The following HMGN4 variants were observed in gnomAD, a reference collection of about 807,000 sequenced individuals.
HMGN4 encodes the protein high mobility group nucleosome-binding domain-containing protein 4.
For missense variants in HMGN4, 69 were observed against 104.9 expected (o/e 0.66, Z 1.49); for synonymous variants, 39 against 39.1 (o/e 1.00, Z 0.01).
At chr6:26,544,313 A>G (rs1764323912) in intron 1 of HMGN4, among the ~76,000 whole-genome samples, 3 of 152,116 alleles carry the variant, frequency 2.0e-5, no homozygotes, top group African/African-American at 2.4e-5. Context: ...TACATGTGTA[A>G]ATGGATCTAT....
intron 1 of HMGN4, among the ~76,000 whole-genome samples, chr6:26,543,452 C>T (rs1426950053): frequency 2.6e-5 from 1 of 38,644 alleles, no homozygotes; most frequent in African/African-American, 1.6e-4. Context: ...AGCAGAGTCT[C>T]ACTCTGTCCC....
intron 1 of HMGN4, among the ~76,000 whole-genome samples, chr6:26,538,760 A>G (rs1420949690): frequency 6.6e-6 from 1 of 152,184 alleles, no homozygotes; most frequent in Non-Finnish European, 1.5e-5. Context: ...GACCGGGATG[A>G]GAAGTCCTAA....
At position 26,539,652 on chromosome 6, in the gene HMGN4, AAG is replaced by A. The variant is rs796305513; in HGVS notation, c.-81+1153_-81+1154del. Reference sequence around the variant, plus strand: ...GCAAAATTAAAAAAAAAAAAAAAAAAAGAAAAGAAAAGAAAGAAAAGGACAAT... The same window carrying A: ...GCAAAATTAAAAAAAAAAAAAAAAAAAAAAGAAAAGAAAGAAAAGGACAAT... On this transcript the variant is annotated intron_variant, in intron 1 of 1. Coordinates refer to ENST00000377575, the MANE Select transcript of HMGN4 (RefSeq NM_006353.3). 8.1e-3 allele frequency among the ~76,000 whole-genome samples: 1,141 copies of A among 140,130 alleles called. 11 individuals carry two copies. Among genetic ancestry groups the A allele is most frequent in the East Asian group, 0.023 (108 of 4,792 alleles). The allele number at this position is 140,130 out of a possible 152,430, so 91.9% of individuals were successfully genotyped here.
chr6:26,539,565 C>T (rs1764262052), intron 1 of HMGN4, among the ~76,000 whole-genome samples: 1 of 150,906 alleles, frequency 6.6e-6, no homozygotes, highest in Admixed American at 6.6e-5. Context: ...GCCACCGCGC[C>T]CAACCGAATG....
intron 1 of HMGN4, among the ~76,000 whole-genome samples, chr6:26,539,656 AAAG>A (rs895830049): frequency 6.8e-6 from 1 of 147,346 alleles, no homozygotes; most frequent in Non-Finnish European, 1.5e-5. Flanking sequence ...AAAAAAAAGA[AAAG>A]AAAAGAAAGA....
chr6:26,545,285 C>T lies in HMGN4; in HGVS notation c.79C>T (p.Arg27Trp), dbSNP rs1764335042. 1.9e-6 allele frequency: 3 copies of T among 1,614,042 alleles called. No individual in the cohort carries two copies. The highest frequency in any genetic ancestry group is 2.5e-6 in the Non-Finnish European group (3 of 1,179,988). ...VKDEPQRRSA[R>W]LSAKPAPPKP... ...GGATGAGCCACAGAGGAGATCAGCT[C>T]GGTTGTCTGCTAAACCAGCTCCTCC... The change falls in exon 2 of 2, where the codon CGG (arginine) becomes TGG (tryptophan). Residue 27 changes from arginine to tryptophan, a missense_variant. Transcript: ENST00000377575.
chr6:26,540,554 G>C (rs546477454), intron 1 of HMGN4, among the ~76,000 whole-genome samples: 23 of 152,184 alleles, frequency 1.5e-4, no homozygotes, highest in Admixed American at 8.5e-4. Context: ...GGCTGGTCTT[G>C]AACTCCTGAC....
At chr6:26,538,559 G>GA (rs1263025216) in intron 1 of HMGN4, 58 bp downstream of exon 1, 2 of 152,440 alleles carry the variant, frequency 1.3e-5, no homozygotes, top group Non-Finnish European at 1.5e-5. Flanking sequence ...TGGTGGGGGG[G>GA]GTCCCGCCGC....
intron 1 of HMGN4, among the ~76,000 whole-genome samples, chr6:26,543,559 G>C (rs1482342409): frequency 7.0e-6 from 1 of 142,202 alleles, no homozygotes; most frequent in Admixed American, 7.6e-5. Context: ...TCAGGAGTTC[G>C]AGACTAGCCT....
intron 1 of HMGN4, among the ~76,000 whole-genome samples, chr6:26,544,848 A>G (rs1764329295): frequency 6.6e-6 from 1 of 152,200 alleles, no homozygotes; most frequent in Admixed American, 6.5e-5. Context: ...TCATGCTTCC[A>G]AGAAGTACCT....
chr6:26,543,398 GTA>G (rs1196741838), intron 1 of HMGN4, among the ~76,000 whole-genome samples: 1 of 142,342 alleles, frequency 7.0e-6, no homozygotes, highest in African/African-American at 2.7e-5. Flanking sequence ...CAGTAGAACT[GTA>G]TGTCTCAGTG....
Position 26,546,112 on chromosome 6 carries a change from C to T in HMGN4, c.*633C>T, listed in dbSNP as rs1043554986. Reference sequence around the variant, plus strand: ...TCTTTCTTGTTCAAAACAGCAACGACATATCTTGTTAACTTTTACGGTGAC... The same window carrying T: ...TCTTTCTTGTTCAAAACAGCAACGATATATCTTGTTAACTTTTACGGTGAC... On this transcript the variant is annotated 3_prime_UTR_variant, in exon 2 of 2. Coordinates refer to ENST00000377575, the MANE Select transcript of HMGN4 (RefSeq NM_006353.3). 3 of 167,072 alleles carry T rather than the reference C, an allele frequency of 1.8e-5. No individual in the cohort carries two copies. Among genetic ancestry groups the T allele is most frequent in the African/African-American group, 7.2e-5 (3 of 41,444 alleles). The allele number at this position is 167,072 out of a possible 1,614,324, so 10.3% of individuals were successfully genotyped here. A position where few individuals can be genotyped will look rare whatever the true frequency, so the allele number is the denominator to read the frequency against.
intron 1 of HMGN4, chr6:26,539,816 G>A (rs1764267179): frequency 6.6e-6 from 1 of 152,038 alleles, no homozygotes; most frequent in African/African-American, 2.4e-5. Flanking sequence ...TAATATCTTG[G>A]TTAGCAAGAC....
chr6:26,543,339 G>A (rs1385585555), intron 1 of HMGN4, among the ~76,000 whole-genome samples: 2 of 147,042 alleles, frequency 1.4e-5, no homozygotes, highest in African/African-American at 5.0e-5. Context: ...TTCATGTAAT[G>A]TCTAGGCAAG....
chr6:26,539,060 G>A (rs1764254551), intron 1 of HMGN4, among the ~76,000 whole-genome samples: 1 of 152,226 alleles, frequency 6.6e-6, no homozygotes, highest in Admixed American at 6.5e-5. Context: ...TTGGTGTTTG[G>A]CCTCTTACCT....
In HMGN4 at chr6:26,542,472, C is replaced by T. The variant is rs1164786933; in HGVS notation, c.-80-2655C>T. Among the ~76,000 whole-genome samples, 1 of 152,118 alleles carries T rather than the reference C, an allele frequency of 6.6e-6. No homozygotes were observed. Among genetic ancestry groups the T allele is most frequent in the Non-Finnish European group, 1.5e-5 (1 of 68,030 alleles). On this transcript the variant is annotated intron_variant, in intron 1 of 1. Coordinates refer to ENST00000377575, the MANE Select transcript of HMGN4 (RefSeq NM_006353.3). This position sits in a 1 kb window ranked among gnomAD's most constrained non-coding sequence, Gnocchi z 4.6. Reference sequence around the variant, plus strand: ...AACATCTACCATTTTATAATATATGCCATTACAGTAGCATACAAAAGAGTT... The same window carrying T: ...AACATCTACCATTTTATAATATATGTCATTACAGTAGCATACAAAAGAGTT...
At chr6:26,539,189 T>A (rs1221854100) in intron 1 of HMGN4, among the ~76,000 whole-genome samples, 2 of 152,204 alleles carry the variant, frequency 1.3e-5, no homozygotes, top group Non-Finnish European at 2.9e-5. Context: ...CTTAGATGTA[T>A]TACTACTTTT....
At position 26,546,107 on chromosome 6, in the gene HMGN4, A is replaced by C. The variant is rs1468983807; in HGVS notation, c.*628A>C. 1.8e-5 allele frequency: 3 copies of C among 167,114 alleles called. No individual in the cohort carries two copies. Among genetic ancestry groups the C allele is most frequent in the South Asian group, 4.1e-4 (2 of 4,826 alleles). The allele number at this position is 167,114 out of a possible 1,614,324, so 10.4% of individuals were successfully genotyped here. A position where few individuals can be genotyped will look rare whatever the true frequency, so the allele number is the denominator to read the frequency against. ...GAAAATCTTTCTTGTTCAAAACAGCAACGACATATCTTGTTAACTTTTACG... is the reference window on the plus strand; with the variant it reads ...GAAAATCTTTCTTGTTCAAAACAGCCACGACATATCTTGTTAACTTTTACG... On this transcript the variant is annotated 3_prime_UTR_variant, in exon 2 of 2. Transcript: ENST00000377575.
In HMGN4 at chr6:26,545,376, AG is replaced by A; in HGVS notation, c.174del (p.Ala60GlnfsTer53). 1 of 1,614,062 alleles carries A rather than the reference AG, an allele frequency of 6.2e-7. No individual in the cohort carries two copies. Among genetic ancestry groups the A allele is most frequent in the Non-Finnish European group, 8.5e-7 (1 of 1,179,986 alleles). The part of the protein sequence containing the change: ...KKGEKLPKGR[K>X]GKADAGKDGN... ...GGAGAGAAGCTTCCCAAAGGGAGAA[AG>A]GGGAAAGCAGATGCTGGAAAGGATG... On this transcript the variant is annotated frameshift_variant, in exon 2 of 2. Transcript: ENST00000377575. LOFTEE classifies it low-confidence loss of function (END_TRUNC).
Sources: allele counts gnomAD v4.1 joint callset (sites outside exome capture counted in the v4.1 genomes callset), GRCh38; gene constraint gnomAD v4.1.1; non-coding constraint Gnocchi (gnomAD v3.1); transcripts MANE v1.5; gene names NCBI Gene and HGNC (gene_info 2026-07-23, HGNC 2026-07-21).